The following ZNF804B variants were observed in gnomAD, a reference collection of about 807,000 sequenced individuals.
The protein encoded by ZNF804B is zinc finger protein 804B.
ZNF804B carries 80 observed loss-of-function variants against 101.4 expected under a neutral mutation model. The observed-to-expected ratio is 0.79, with a 90% confidence interval of 0.66 to 0.95. ZNF804B has a LOEUF of 0.95. ZNF804B is among the 40% of genes least tolerant of loss of function. The pLI, the probability that ZNF804B is intolerant of heterozygous loss-of-function variation, is 0.00. For missense variants in ZNF804B, 1,673 were observed against 1,561.9 expected, an observed-to-expected ratio of 1.07 and a Z score of -1.20; for synonymous variants, 622 against 558.8, an observed-to-expected ratio of 1.11 and a Z score of -1.59.
chr7:89,310,202 T>A (rs910374134), intron 2 of ZNF804B, among the ~76,000 whole-genome samples: 11 of 152,124 alleles, frequency 7.2e-5, no homozygotes, highest in Non-Finnish European at 1.3e-4. Context: ...TAAAGCCACA[T>A]GTTTAAGTTG....
intron 1 of ZNF804B, among the ~76,000 whole-genome samples, chr7:88,854,400 T>C (rs1395319407): frequency 6.8e-6 from 1 of 146,786 alleles, no homozygotes; most frequent in African/African-American, 2.7e-5. Context: ...TCTTTCTTTC[T>C]TTCTTTCTTT....
chr7:89,135,670 G>A (rs553020424), intron 1 of ZNF804B, among the ~76,000 whole-genome samples: 5 of 152,082 alleles, frequency 3.3e-5, no homozygotes, highest in African/African-American at 4.8e-5. Context: ...TGATATTAAG[G>A]TGAAAGCTTT....
chr7:89,068,512 C>T (rs1328757733), intron 1 of ZNF804B, among the ~76,000 whole-genome samples: 4 of 152,148 alleles, frequency 2.6e-5, no homozygotes, highest in African/African-American at 7.2e-5. Flanking sequence ...AAAAGAAACA[C>T]ATGATGTTTA....
At chr7:88,786,476 G>A (rs1790304562) in intron 1 of ZNF804B, among the ~76,000 whole-genome samples, 1 of 151,930 alleles carries the variant, frequency 6.6e-6, no homozygotes, top group Admixed American at 6.6e-5. Context: ...AAGATTAAGG[G>A]GAGATGTAGG....
chr7:89,334,944 C>T lies in ZNF804B; in HGVS notation c.1962C>T (p.Phe654=). The T allele has an allele frequency of 6.2e-7, 1 of 1,613,884 alleles. No homozygotes were observed. Among genetic ancestry groups the T allele is most frequent in the South Asian group, 1.1e-5 (1 of 91,074 alleles). The part of the protein sequence containing the change: ...PHLEFEDERQ[F]NCKSSPCTVG... The stretch of plus-strand genomic sequence containing the variant: ...TGGAATTTGAAGATGAAAGACAATT[C>T]AACTGCAAGTCCAGTCCTTGTACAG... The change falls in exon 4 of 4, where the codon TTC becomes TTT. Residue 654 remains phenylalanine (F), a synonymous_variant. Coordinates refer to ENST00000333190, the MANE Select transcript of ZNF804B (RefSeq NM_181646.5).
chr7:89,013,271 A>T (rs1387819697), intron 1 of ZNF804B, among the ~76,000 whole-genome samples: 2 of 152,190 alleles, frequency 1.3e-5, no homozygotes, highest in Non-Finnish European at 2.9e-5. Flanking sequence ...TGCTCCTGCG[A>T]GCAGTTAAGA....
chr7:88,868,100 T>A (rs1791762883), intron 1 of ZNF804B, among the ~76,000 whole-genome samples: 1 of 151,108 alleles, frequency 6.6e-6, no homozygotes, highest in African/African-American at 2.4e-5. Flanking sequence ...ATGCTTTTCT[T>A]TAAGCAACAA....
At chr7:89,324,654 G>A (rs1008607928) in intron 2 of ZNF804B, among the ~76,000 whole-genome samples, 11 of 63,312 alleles carry the variant, frequency 1.7e-4, no homozygotes, top group African/African-American at 6.2e-4. Flanking sequence ...TACATTTAAT[G>A]ATTTTCTTTT....
At chr7:89,000,121 C>T (rs901786355) in intron 1 of ZNF804B, among the ~76,000 whole-genome samples, 2 of 151,850 alleles carry the variant, frequency 1.3e-5, no homozygotes, top group South Asian at 2.1e-4. Flanking sequence ...TCAAAGAAGC[C>T]TAGAGATCTG....
At chr7:88,956,283 C>T (rs953869831) in intron 1 of ZNF804B, among the ~76,000 whole-genome samples, 4 of 151,426 alleles carry the variant, frequency 2.6e-5, no homozygotes, top group Non-Finnish European at 1.5e-5. Context: ...ATGCATGCAC[C>T]CTTATGTTTA....
chr7:88,810,919 G>A (rs1348063290), intron 1 of ZNF804B, among the ~76,000 whole-genome samples: 4 of 151,914 alleles, frequency 2.6e-5, no homozygotes, highest in Non-Finnish European at 4.4e-5. Context: ...TATGTATTTT[G>A]TAAGAGTTTG....
At position 89,289,165 on chromosome 7, in the gene ZNF804B, G is replaced by C. The variant is rs374026877; in HGVS notation, c.250-38179G>C. Among the ~76,000 whole-genome samples, 205 of 152,170 alleles carry C rather than the reference G, an allele frequency of 1.3e-3. 1 individual carries two copies. The highest frequency in any genetic ancestry group is 4.6e-3 in the African/African-American group (190 of 41,542). Reference sequence around the variant, plus strand: ...ATCTATTACAATGGTAAGAAATGAAGAATGAAGAAACAAAACAGGTAGAAG... The same window carrying C: ...ATCTATTACAATGGTAAGAAATGAACAATGAAGAAACAAAACAGGTAGAAG... On this transcript the variant is annotated intron_variant, in intron 2 of 3. Coordinates refer to ENST00000333190, the MANE Select transcript of ZNF804B (RefSeq NM_181646.5).
chr7:89,085,852 AG>A (rs1789791638), intron 1 of ZNF804B, among the ~76,000 whole-genome samples: 1 of 151,962 alleles, frequency 6.6e-6, no homozygotes, highest in African/African-American at 2.4e-5. Flanking sequence ...TATTCTGATA[AG>A]ATTTAATGGG....
intron 1 of ZNF804B, among the ~76,000 whole-genome samples, chr7:89,071,206 A>G (rs909727861): frequency 6.6e-6 from 1 of 152,056 alleles, no homozygotes; most frequent in Admixed American, 6.6e-5. Flanking sequence ...AGTGTTTTTG[A>G]TCTGAGGTTG....
intron 1 of ZNF804B, among the ~76,000 whole-genome samples, chr7:89,207,278 A>C (rs1015223654): frequency 6.6e-6 from 1 of 152,222 alleles, no homozygotes. Flanking sequence ...AGAGGAAAGC[A>C]GTTTAATTGA....
intron 1 of ZNF804B, among the ~76,000 whole-genome samples, chr7:89,208,686 G>A (rs1788755644): frequency 6.6e-6 from 1 of 152,040 alleles, no homozygotes; most frequent in South Asian, 2.1e-4. Context: ...GATAACTGTG[G>A]TCCTAACAGA....
At chr7:88,990,512 AAAAAAT>A (rs1032369881) in intron 1 of ZNF804B, among the ~76,000 whole-genome samples, 11 of 152,218 alleles carry the variant, frequency 7.2e-5, no homozygotes, top group Middle Eastern at 3.4e-3. Context: ...TTTACAGAGT[AAAAAAT>A]AAAGGTTCAG....
chr7:89,114,038 A>G (rs934461323), intron 1 of ZNF804B, among the ~76,000 whole-genome samples: 7 of 152,232 alleles, frequency 4.6e-5, no homozygotes, highest in Non-Finnish European at 8.8e-5. Flanking sequence ...CAAGCAATTA[A>G]TAAGTAAACA....
intron 1 of ZNF804B, among the ~76,000 whole-genome samples, chr7:89,174,174 G>T (rs1791282687): frequency 6.6e-6 from 1 of 151,800 alleles, no homozygotes; most frequent in African/African-American, 2.4e-5. Context: ...CAAGTACTAG[G>T]TCTTATTTAT....
Sources: gnomAD v4.1 joint callset for allele counts (sites outside exome capture counted in the v4.1 genomes callset) on GRCh38, gnomAD v4.1.1 for gene constraint, MANE v1.5 for transcripts, NCBI Gene and HGNC (gene_info 2026-07-23, HGNC 2026-07-21) for gene names.